MALRD1: variants seen among roughly 807,000 people sequenced by gnomAD.
MALRD1 encodes MAM and LDL receptor class A domain containing 1.
Under a neutral mutation model 242.1 loss-of-function variants are expected in MALRD1, and 247 were observed. The ratio of observed to expected loss-of-function variants is 1.02; its 90% CI spans 0.92 to 1.13. The LOEUF (loss-of-function observed/expected upper bound fraction) is 1.13. MALRD1 is among the 50% of genes most tolerant of loss of function. The probability of loss-of-function intolerance (pLI) is 0.00; values close to 1 mark genes in which losing one functional copy is unlikely to be tolerated. For synonymous variants in MALRD1, 995 were observed against 866.6 expected (o/e 1.15, Z -2.60); for missense variants, 2,989 against 2,533.1 (o/e 1.18, Z -3.86).
chr10:19,490,695 A>G (rs187881001), intron 29 of MALRD1, among the ~76,000 whole-genome samples: 2 of 150,002 alleles, frequency 1.3e-5, no homozygotes, highest in African/African-American at 4.9e-5. Context: ...TCATCACGCA[A>G]AAGACACAAT....
chr10:19,504,677 T>G (rs1292898081), intron 31 of MALRD1, among the ~76,000 whole-genome samples: 13 of 135,666 alleles, frequency 9.6e-5, no homozygotes, highest in African/African-American at 3.4e-4. Flanking sequence ...TTTTTTTTTT[T>G]TTTTTTTTTT....
chr10:19,639,591 T>G (rs1840295113), intron 36 of MALRD1, among the ~76,000 whole-genome samples: 6 of 152,190 alleles, frequency 3.9e-5, no homozygotes. Flanking sequence ...GAACCATTAG[T>G]GTGCATCTCA....
At chr10:19,726,131 G>A (rs1835014475) in intron 38 of MALRD1, among the ~76,000 whole-genome samples, 1 of 152,002 alleles carries the variant, frequency 6.6e-6, no homozygotes. Context: ...AAACTTTTGT[G>A]CAACAAAAGA....
At chr10:19,083,701 G>A (rs528674447) in intron 2 of MALRD1, among the ~76,000 whole-genome samples, 9 of 151,902 alleles carry the variant, frequency 5.9e-5, no homozygotes, top group African/African-American at 2.2e-4. Flanking sequence ...ACTCATTCTT[G>A]TGGCTGCCAG....
At chr10:19,516,913 AAT>A (rs1833659830) in intron 31 of MALRD1, among the ~76,000 whole-genome samples, 1 of 152,162 alleles carries the variant, frequency 6.6e-6, no homozygotes, top group Non-Finnish European at 1.5e-5. Context: ...TTTAGGCTTA[AAT>A]ACTGTAGTCT....
intron 26 of MALRD1, among the ~76,000 whole-genome samples, chr10:19,364,368 T>C (rs1845024368): frequency 1.3e-5 from 2 of 152,156 alleles, no homozygotes; most frequent in Non-Finnish European, 2.9e-5. Context: ...TATGCTCCTG[T>C]ATCACAAATA....
At chr10:19,292,060 A>G (rs2496061) in intron 21 of MALRD1, among the ~76,000 whole-genome samples, 49,079 of 140,824 alleles carry the variant, frequency 0.35, 8,592 homozygotes, top group South Asian at 0.55. Flanking sequence ...TCCAGCCTGG[A>G]TGACAGAGCA....
intron 28 of MALRD1, among the ~76,000 whole-genome samples, chr10:19,396,005 G>T (rs773691141): frequency 5.3e-5 from 8 of 151,954 alleles, no homozygotes; most frequent in Non-Finnish European, 1.0e-4. Context: ...CATATAGTCG[G>T]CTCTAAAGAA....
At chr10:19,725,411 A>G (rs1008880344) in intron 38 of MALRD1, among the ~76,000 whole-genome samples, 13 of 152,120 alleles carry the variant, frequency 8.5e-5, no homozygotes, top group South Asian at 2.1e-4. Context: ...CCCTTCTGCC[A>G]TGATTGTAAG....
At chr10:19,421,701 T>A (rs1833724716) in intron 28 of MALRD1, among the ~76,000 whole-genome samples, 3 of 152,202 alleles carry the variant, frequency 2.0e-5, no homozygotes, top group Admixed American at 1.3e-4. Flanking sequence ...TTTGTGTTTT[T>A]CCCACTATCA....
At chr10:19,106,196 T>C (rs376099495) in intron 5 of MALRD1, among the ~76,000 whole-genome samples, 66 of 152,010 alleles carry the variant, frequency 4.3e-4, no homozygotes, top group African/African-American at 1.5e-3. Flanking sequence ...TATCATTCTA[T>C]TCTCTATTTC....
intron 26 of MALRD1, among the ~76,000 whole-genome samples, chr10:19,369,670 A>G (rs992073065): frequency 4.6e-5 from 7 of 150,788 alleles, no homozygotes; most frequent in African/African-American, 1.5e-4. Context: ...TCAAATATGC[A>G]TAAGTACACA....
chr10:19,088,585 A>ATT (rs1391933734), intron 4 of MALRD1, among the ~76,000 whole-genome samples: 5 of 75,460 alleles, frequency 6.6e-5, no homozygotes, highest in Admixed American at 2.7e-4. Context: ...TTATTTATTT[A>ATT]TTTATTTTTT....
Position 19,652,892 on chromosome 10 carries a change from A to G in MALRD1, c.6137+36969A>G, listed in dbSNP as rs370451668. ...CTGACAAAAAGCTTTGGCTCCTGCC[A>G]CCATGCAACGTTGCTTCTTTCTCAA... On this transcript the variant is annotated intron_variant, in intron 36 of 39. Transcript: ENST00000454679. 1.4e-4 allele frequency among the ~76,000 whole-genome samples: 22 copies of G among 152,320 alleles called. No individual in the cohort carries two copies. In the South Asian group the frequency reaches 2.9e-3, roughly 20 times the overall value.
intron 21 of MALRD1, among the ~76,000 whole-genome samples, chr10:19,284,117 A>C (rs1307995927): frequency 6.6e-6 from 1 of 152,250 alleles, no homozygotes; most frequent in Non-Finnish European, 1.5e-5. Flanking sequence ...TAAGAAGAGC[A>C]GACTACATAA....
chr10:19,148,831 C>T (rs1182200775), intron 11 of MALRD1, among the ~76,000 whole-genome samples: 1 of 138,738 alleles, frequency 7.2e-6, no homozygotes, highest in Non-Finnish European at 1.6e-5. Context: ...GAGTCAACAT[C>T]TCTTTACCCA....
chr10:19,283,295 A>T, intron 21 of MALRD1, 114 bp downstream of exon 21: 4 of 886,028 alleles, frequency 4.5e-6, no homozygotes, highest in Non-Finnish European at 6.0e-6. Context: ...GACAAATGTT[A>T]AGTTGAAAAG....
chr10:19,501,187 CT>C (rs1287400378), intron 31 of MALRD1, among the ~76,000 whole-genome samples: 3 of 152,220 alleles, frequency 2.0e-5, no homozygotes, highest in African/African-American at 7.2e-5. Flanking sequence ...TGTTCCAGAG[CT>C]AGATCAGCCT....
At chr10:19,613,985 C>G (rs1405770391) in intron 35 of MALRD1, among the ~76,000 whole-genome samples, 1 of 152,024 alleles carries the variant, frequency 6.6e-6, no homozygotes, top group East Asian at 1.9e-4. Flanking sequence ...ACCCTTAGAA[C>G]ATCCATCCCA....
Sources: gnomAD v4.1 joint callset for allele counts (sites outside exome capture counted in the v4.1 genomes callset) on GRCh38, gnomAD v4.1.1 for gene constraint, MANE v1.5 for transcripts, NCBI Gene and HGNC (gene_info 2026-07-23, HGNC 2026-07-21) for gene names.